Variants in ANGPT1 observed in about 807,000 individuals in gnomAD.
ANGPT1 encodes the protein angiopoietin-1.
ANGPT1 carries 17 observed loss-of-function variants against 62.2 expected under a neutral mutation model. The observed-to-expected ratio is 0.27, with a 90% CI of 0.19 to 0.41. ANGPT1 has a LOEUF of 0.41. ANGPT1 is among the 10% of genes least tolerant of loss of function. The pLI is 1.00. For missense variants in ANGPT1, 478 were observed against 594.9 expected (o/e 0.80, Z 2.04); for synonymous variants, 199 against 198.9 (o/e 1.00, Z 0.00).
intron 8 of ANGPT1, among the ~76,000 whole-genome samples, 161 bp from the exon 9 acceptor site, chr8:107,252,176 AC>A (rs2129977966): frequency 1.3e-5 from 2 of 152,284 alleles, no homozygotes; most frequent in Admixed American, 1.3e-4. Context: ...CAGTAGTGAA[AC>A]TGTTTTAAAT....
intron 1 of ANGPT1, among the ~76,000 whole-genome samples, chr8:107,371,393 A>C (rs1816408077): frequency 6.6e-6 from 1 of 152,094 alleles, no homozygotes; most frequent in Non-Finnish European, 1.5e-5. Flanking sequence ...GTCCTCAGCT[A>C]TTTTGAAAAT....
At position 107,293,918 on chromosome 8, in the gene ANGPT1, T is replaced by C. The variant is rs774828363; in HGVS notation, c.1038+18A>G. 2 of 1,593,478 alleles carry C rather than the reference T, an allele frequency of 1.3e-6. No individual in the cohort carries two copies. The highest frequency in any genetic ancestry group is 1.7e-5 in the Admixed American group (1 of 58,858). ...CAAGATAAAACACCAAAAAGCACCATAAATTCTTGCATCTTACCATTTTAT... is the reference window on the plus strand; with the variant it reads ...CAAGATAAAACACCAAAAAGCACCACAAATTCTTGCATCTTACCATTTTAT... On this transcript the variant is annotated intron_variant, in intron 6 of 8. Coordinates refer to ENST00000517746, the MANE Select transcript of ANGPT1 (RefSeq NM_001146.5).
At chr8:107,299,597 G>GAT (rs1271021445) in intron 5 of ANGPT1, among the ~76,000 whole-genome samples, 1 of 138,110 alleles carries the variant, frequency 7.2e-6, no homozygotes, top group East Asian at 2.1e-4. Context: ...ATAGACAGCA[G>GAT]ATATATAGGT....
intron 1 of ANGPT1, among the ~76,000 whole-genome samples, chr8:107,379,585 G>A (rs1816595773): frequency 1.3e-5 from 2 of 151,868 alleles, no homozygotes; most frequent in African/African-American, 4.8e-5. Context: ...AATGATTGTG[G>A]TTTAAAGTAA....
chr8:107,347,541 G>A (rs768911956), intron 1 of ANGPT1, among the ~76,000 whole-genome samples: 11 of 152,110 alleles, frequency 7.2e-5, no homozygotes, highest in Admixed American at 2.0e-4. Context: ...TGATTTTTCC[G>A]TTACACCATA....
At chr8:107,486,624 C>G (rs761916271) in intron 1 of ANGPT1, among the ~76,000 whole-genome samples, 37 of 152,120 alleles carry the variant, frequency 2.4e-4, no homozygotes, top group Admixed American at 5.9e-4. Context: ...CTTAATAACT[C>G]TATGGCATAG....
chr8:107,399,901 C>T (rs181913191), intron 1 of ANGPT1, among the ~76,000 whole-genome samples: 134 of 152,158 alleles, frequency 8.8e-4, no homozygotes, highest in African/African-American at 2.9e-3. Context: ...TGAGATGTTG[C>T]GACACAACTG....
chr8:107,261,378 AT>A (rs1813486329), intron 8 of ANGPT1, among the ~76,000 whole-genome samples: 2 of 152,142 alleles, frequency 1.3e-5, no homozygotes, highest in Non-Finnish European at 2.9e-5. Flanking sequence ...ATGATGTTAA[AT>A]ATGATGCCAA....
At chr8:107,447,759 C>A (rs1811656974) in intron 1 of ANGPT1, among the ~76,000 whole-genome samples, 1 of 152,164 alleles carries the variant, frequency 6.6e-6, no homozygotes, top group Non-Finnish European at 1.5e-5. Context: ...TGTAGGGTTT[C>A]TTTGTAGAGT....
intron 1 of ANGPT1, among the ~76,000 whole-genome samples, chr8:107,397,223 A>G (rs545525351): frequency 6.6e-6 from 1 of 152,252 alleles, no homozygotes; most frequent in South Asian, 2.1e-4. Flanking sequence ...ATATGCATAT[A>G]TGTATTTATT....
At chr8:107,439,400 T>G (rs1425037928) in intron 1 of ANGPT1, among the ~76,000 whole-genome samples, 1 of 152,244 alleles carries the variant, frequency 6.6e-6, no homozygotes, top group Admixed American at 6.5e-5. Context: ...TGTCAGTGCC[T>G]AAATGTACTC....
chr8:107,256,675 A>T (rs760527869), intron 8 of ANGPT1, among the ~76,000 whole-genome samples: 1 of 152,130 alleles, frequency 6.6e-6, no homozygotes, highest in East Asian at 1.9e-4. Context: ...TATTTTGTTT[A>T]TGCTTGGGAA....
At chr8:107,349,663 G>A (rs888962666) in intron 1 of ANGPT1, among the ~76,000 whole-genome samples, 2 of 152,090 alleles carry the variant, frequency 1.3e-5, no homozygotes, top group African/African-American at 2.4e-5. Flanking sequence ...AGACTATTGA[G>A]GCTCAGAAAC....
chr8:107,300,656 T>C (rs956514021), intron 5 of ANGPT1, among the ~76,000 whole-genome samples: 2 of 151,904 alleles, frequency 1.3e-5, no homozygotes, highest in African/African-American at 4.8e-5. Context: ...AATTTGCTCC[T>C]TATGGGTACG....
chr8:107,410,402 C>CT (rs1437099949), intron 1 of ANGPT1, among the ~76,000 whole-genome samples: 1 of 152,156 alleles, frequency 6.6e-6, no homozygotes, highest in African/African-American at 2.4e-5. Context: ...CCAAGTGCTG[C>CT]TTTCTTCTAC....
At chr8:107,279,722 C>T (rs948662710) in intron 7 of ANGPT1, among the ~76,000 whole-genome samples, 8 of 151,296 alleles carry the variant, frequency 5.3e-5, no homozygotes, top group Non-Finnish European at 1.0e-4. Context: ...AAGCTTAGAA[C>T]ACACACACAT....
In ANGPT1 at chr8:107,347,081, A is replaced by C; in HGVS notation, c.314T>G (p.Val105Gly). The C allele has an allele frequency of 6.2e-7, 1 of 1,613,272 alleles. No homozygotes were observed. Reference protein sequence around the residue: ...QWLQKLENYIVENMKSEMAQI... With the variant: ...QWLQKLENYIGENMKSEMAQI... ...GGCCATCTCCGACTTCATGTTTTCC[A>C]CAATGTAATTCTCAAGCTGCAAGAG... Residue 105 changes from valine to glycine, a missense_variant, in exon 2 of 9, where the codon GTG becomes GGG. Val to Gly is a moderately radical substitution (Grantham distance 109, BLOSUM62 -3). Around this residue, in one of 4 missense-constraint regions of ANGPT1, gnomAD observed 343 missense variants for 355.4 expected, o/e 0.97. Coordinates refer to ENST00000517746, the MANE Select transcript of ANGPT1 (RefSeq NM_001146.5).
intron 4 of ANGPT1, among the ~76,000 whole-genome samples, chr8:107,320,660 T>G (rs1434926360): frequency 6.6e-6 from 1 of 152,088 alleles, no homozygotes; most frequent in African/African-American, 2.4e-5. Flanking sequence ...CACACCCAAA[T>G]GGAGCTCTGG....
intron 1 of ANGPT1, among the ~76,000 whole-genome samples, chr8:107,484,892 C>T (rs1354758633): frequency 6.6e-6 from 1 of 152,154 alleles, no homozygotes; most frequent in Admixed American, 6.5e-5. Flanking sequence ...AGGTCACTTC[C>T]CAGCTTCCTT....
Sources: allele counts gnomAD v4.1 joint callset (sites outside exome capture counted in the v4.1 genomes callset), GRCh38; gene constraint gnomAD v4.1.1; regional missense constraint gnomAD v4.1.1; transcripts MANE v1.5; gene names NCBI Gene and HGNC (gene_info 2026-07-23, HGNC 2026-07-21).